MATN3: variants seen among roughly 807,000 people sequenced by gnomAD.
MATN3 encodes matrilin 3.
A neutral mutation model predicts 45.3 loss-of-function variants in MATN3; 48 were observed. The observed-to-expected ratio is 1.06, with a 90% CI of 0.84 to 1.35. MATN3 has a LOEUF of 1.35. MATN3 is among the 40% of genes most tolerant of loss of function. The probability of loss-of-function intolerance (pLI) is 0.00; values close to 1 mark genes in which losing one functional copy is unlikely to be tolerated. For synonymous variants in MATN3, 217 were observed against 245.9 expected (o/e 0.88, Z 1.10); for missense variants, 599 against 628.0 (o/e 0.95, Z 0.49).
Position 20,012,588 on chromosome 2 carries a change from A to C in MATN3, c.44T>G (p.Leu15Arg). ...APARRLPGLL[L>R]LLWPLLLLPS... ...CAGCAGCAGCAGCGGCCAGAGCAGC[A>C]GGAGGAGTCCCGGGAGGCGGCGCGC... Residue 15 changes from leucine (L) to arginine (R), a missense_variant, in exon 1 of 8, where the codon CTG becomes CGG. Leu to Arg is a moderately radical substitution (Grantham distance 102). Transcript: ENST00000407540. This position sits in a 1 kb window ranked among gnomAD's most constrained non-coding sequence, Gnocchi z 4.3. The C allele has an allele frequency of 8.2e-7, 1 of 1,224,844 alleles. No individual in the cohort carries two copies. The highest frequency in any genetic ancestry group is 1.0e-6 in the Non-Finnish European group (1 of 984,272). 75.9% of individuals were successfully genotyped at this position (1,224,844 alleles called of 1,614,324 possible). A position where few individuals can be genotyped will look rare whatever the true frequency, so the allele number is the denominator to read the frequency against.
At chr2:20,004,077 C>G (rs939038306) in intron 2 of MATN3, 2 of 152,176 alleles carry the variant, frequency 1.3e-5, no homozygotes, top group African/African-American at 4.8e-5. Context: ...ACCAAGGAGG[C>G]CTGTTGAAGG....
Position 19,994,376 on chromosome 2 carries a change from T to G in MATN3, c.1328A>C (p.Glu443Ala), listed in dbSNP as rs548276148. 8 of 1,613,390 alleles carry G rather than the reference T, an allele frequency of 5.0e-6. No homozygotes were observed. The East Asian group carries it at 1.8e-4, about 36-fold the overall frequency. ...TGTAGCTTCACATCCACAAGCATCT[T>G]CAGTGGAAACAAGTCTTCGTGCTTC... ...TEEARRLVSTEDACGCEATLA... is the reference protein window; with the variant it reads ...TEEARRLVSTADACGCEATLA... Residue 443 changes from glutamate (E) to alanine (A), a missense_variant, in exon 7 of 8, where the codon GAA becomes GCA. Coordinates refer to ENST00000407540, the MANE Select transcript of MATN3 (RefSeq NM_002381.5).
At chr2:20,008,740 C>T (rs1673161907) in intron 1 of MATN3, among the ~76,000 whole-genome samples, 1 of 152,062 alleles carries the variant, frequency 6.6e-6, no homozygotes, top group Non-Finnish European at 1.5e-5. Flanking sequence ...AGTGGTAGAG[C>T]ATGGATTGGA....
Position 19,997,070 on chromosome 2 carries a change from A to G in MATN3, c.1294+64T>C, listed in dbSNP as rs1672885735. The G allele has an allele frequency of 1.9e-6, 3 of 1,565,830 alleles. No homozygotes were observed. In the Admixed American group the frequency reaches 5.2e-5, roughly 27 times the overall value. On this transcript the variant is annotated intron_variant, in intron 6 of 7. Coordinates refer to ENST00000407540, the MANE Select transcript of MATN3 (RefSeq NM_002381.5). ...TCACAACTGTGTCTTAGACAGAAAG[A>G]AAAAAGCTTGCTCCTGAAAAATTTT...
intron 1 of MATN3, among the ~76,000 whole-genome samples, chr2:20,009,337 G>A (rs940212909): frequency 6.6e-6 from 1 of 150,644 alleles, no homozygotes; most frequent in Admixed American, 6.6e-5. Flanking sequence ...CAGGGACATG[G>A]ATGAAGCTGG....
In MATN3 at chr2:20,012,534, C is replaced by A. The variant is rs1673239463; in HGVS notation, c.98G>T (p.Arg33Leu). 3 of 1,226,514 alleles carry A rather than the reference C, an allele frequency of 2.4e-6. No homozygotes were observed. The highest frequency in any genetic ancestry group is 3.1e-4 in the Middle Eastern group (1 of 3,194). 76.0% of individuals were successfully genotyped at this position (1,226,514 alleles called of 1,614,324 possible). A position where few individuals can be genotyped will look rare whatever the true frequency, so the allele number is the denominator to read the frequency against. ...GGTCTCCAGCCTCCGGAAGCCCGGGCGGGCCACGGGGTCGGGGGCGGCGGA... is the reference window on the plus strand; with the variant it reads ...GGTCTCCAGCCTCCGGAAGCCCGGGAGGGCCACGGGGTCGGGGGCGGCGGA... ...LPSAAPDPVARPGFRRLETRG... is the reference protein window; with the variant it reads ...LPSAAPDPVALPGFRRLETRG... The change falls in exon 1 of 8, where the codon CGC (arginine) becomes CTC (leucine). Residue 33 changes from arginine to leucine, a missense_variant. Coordinates refer to ENST00000407540, the MANE Select transcript of MATN3 (RefSeq NM_002381.5). The surrounding 1 kb of genome is among the most constrained non-coding windows in gnomAD (Gnocchi z 4.3).
At position 20,002,080 on chromosome 2, in the gene MATN3, G is replaced by A. The variant is rs745686503; in HGVS notation, c.917C>T (p.Ala306Val). Reference sequence around the variant, plus strand: ...GGTGTTAAGAGCACACCTATCAAGAGCTATCAAAAGATGATTGGGACAAAT... The same window carrying A: ...GGTGTTAAGAGCACACCTATCAAGAACTATCAAAAGATGATTGGGACAAAT... ...TLNADKKTCS[A>V]LDRCALNTHG... The change falls in exon 4 of 8, where the codon GCT (alanine) becomes GTT (valine). Residue 306 changes from alanine (A) to valine (V), a missense_variant and splice_region_variant. Coordinates refer to ENST00000407540, the MANE Select transcript of MATN3 (RefSeq NM_002381.5). 4.3e-6 allele frequency: 7 copies of A among 1,611,368 alleles called. No homozygotes were observed. Among genetic ancestry groups the A allele is most frequent in the Non-Finnish European group, 5.9e-6 (7 of 1,178,902 alleles).
At position 20,006,270 on chromosome 2, in the gene MATN3, A is replaced by G. The variant is rs1230970175; in HGVS notation, c.264T>C (p.Ile88=). 4.4e-6 allele frequency: 7 copies of G among 1,597,144 alleles called. No individual in the cohort carries two copies. Among genetic ancestry groups the G allele is most frequent in the African/African-American group, 1.3e-5 (1 of 74,718 alleles). The change falls in exon 2 of 8, where the codon ATT becomes ATC. Residue 88 remains isoleucine (I), a synonymous_variant. Coordinates refer to ENST00000407540, the MANE Select transcript of MATN3 (RefSeq NM_002381.5). ...GGGGCCGTACGCTACGAGAACTATC[A>G]ATGATAAACACCAGGTCCAAGGGTC... is the stretch of plus-strand genomic sequence containing the variant. ...KSRPLDLVFI[I]DSSRSVRPLE...
intron 1 of MATN3, among the ~76,000 whole-genome samples, chr2:20,007,771 A>C (rs200692455): frequency 6.6e-6 from 1 of 152,152 alleles, no homozygotes; most frequent in Non-Finnish European, 1.5e-5. Context: ...CAGATTTCCC[A>C]CCTTCAAAGA....
At position 19,998,709 on chromosome 2, in the gene MATN3, T is replaced by A. The variant is rs190547284; in HGVS notation, c.1169-1450A>T. ...GAGGTAGAGGCTGTATGAGCCAAGA[T>A]CACACCACCGCACTCCAGCCTGGGT... On this transcript the variant is annotated intron_variant, in intron 5 of 7. Coordinates refer to ENST00000407540, the MANE Select transcript of MATN3 (RefSeq NM_002381.5). Among the ~76,000 whole-genome samples the A allele has an allele frequency of 3.1e-3, 466 of 151,336 alleles. 2 individuals are homozygous for A. Among genetic ancestry groups the A allele is most frequent in the African/African-American group, 0.011 (443 of 41,194 alleles).
chr2:20,002,763 C>CT (rs772667988), intron 3 of MATN3, among the ~76,000 whole-genome samples: 7,299 of 150,742 alleles, frequency 0.048, 226 homozygotes, highest in East Asian at 0.14. Flanking sequence ...CCACACCTGG[C>CT]TTTTTTTTTT....
At chr2:20,003,364 T>A in intron 2 of MATN3, 78 bp from the exon 3 acceptor site, 2 of 1,413,948 alleles carry the variant, frequency 1.4e-6, no homozygotes, top group Non-Finnish European at 1.9e-6. Flanking sequence ...TCAATAGACA[T>A]TGCTCTCTGG....
intron 5 of MATN3, among the ~76,000 whole-genome samples, chr2:19,998,385 G>A (rs914263261): frequency 2.6e-5 from 4 of 152,044 alleles, no homozygotes; most frequent in Non-Finnish European, 5.9e-5. Context: ...CACTAGCAAC[G>A]GAAAAGCAGA....
chr2:20,007,997 C>CTG (rs1319741525), intron 1 of MATN3, among the ~76,000 whole-genome samples: 1 of 152,212 alleles, frequency 6.6e-6, no homozygotes, highest in Admixed American at 6.5e-5. Flanking sequence ...GAGTCTCATT[C>CTG]TGTCACCCAG....
chr2:20,003,975 T>C (rs911487189), intron 2 of MATN3: 1 of 152,234 alleles, frequency 6.6e-6, no homozygotes, highest in Non-Finnish European at 1.5e-5. Context: ...CTCCATCTTA[T>C]TGCTCCTGGA....
chr2:20,003,323 T>A lies in MATN3; in HGVS notation c.791-37A>T, dbSNP rs1174343123. 4.5e-6 allele frequency: 7 copies of A among 1,554,648 alleles called. No individual in the cohort carries two copies. In the African/African-American group the frequency reaches 6.8e-5, roughly 15 times the overall value. ...AGTTTACAACAGTCAGCACTGACAC[T>A]TAGGAAACATCTCAGATACCGTCTC... is the stretch of plus-strand genomic sequence containing the variant. On this transcript the variant is annotated intron_variant, in intron 2 of 7. Transcript: ENST00000407540.
At position 20,012,623 on chromosome 2, in the gene MATN3, G is replaced by A; in HGVS notation, c.9C>T (p.Arg3=). 2 of 1,216,032 alleles carry A rather than the reference G, an allele frequency of 1.6e-6. No individual in the cohort carries two copies. Among genetic ancestry groups the A allele is most frequent in the Non-Finnish European group, 2.0e-6 (2 of 977,778 alleles). The allele number at this position is 1,216,032 out of a possible 1,614,324, so 75.3% of individuals were successfully genotyped here. The part of the protein sequence containing the change: MP[R]PAPARRLPGL... ...CCGGGAGGCGGCGCGCGGGGGCCGGGCGCGGCATGGTGGGCTCCGTGGGCC... is the reference window on the plus strand; with the variant it reads ...CCGGGAGGCGGCGCGCGGGGGCCGGACGCGGCATGGTGGGCTCCGTGGGCC... Residue 3 remains arginine, a synonymous_variant, in exon 1 of 8, where the codon CGC becomes CGT. Coordinates refer to ENST00000407540, the MANE Select transcript of MATN3 (RefSeq NM_002381.5). This position sits in a 1 kb window ranked among gnomAD's most constrained non-coding sequence, Gnocchi z 4.3.
chr2:20,002,191 C>CAGAG lies in MATN3; in HGVS notation c.917-115_917-112dup, dbSNP rs1553327220. 1.9e-4 allele frequency: 141 copies of CAGAG among 758,234 alleles called. 1 individual carries two copies. The African/African-American group carries it at 2.2e-3, about 12-fold the overall frequency. 47.0% of individuals were successfully genotyped at this position (758,234 alleles called of 1,614,324 possible). Reference sequence around the variant, plus strand: ...ACACACACACACACACACACACACACAGAGCTAATGAAACAAGGGAGGGGC... The same window carrying CAGAG: ...ACACACACACACACACACACACACACAGAGAGAGCTAATGAAACAAGGGAGGGGC... On this transcript the variant is annotated intron_variant, in intron 3 of 7. Coordinates refer to ENST00000407540, the MANE Select transcript of MATN3 (RefSeq NM_002381.5).
chr2:20,003,259 T>A lies in MATN3; in HGVS notation c.818A>T (p.His273Leu), dbSNP rs1673025335. 1 of 1,613,828 alleles carries A rather than the reference T, an allele frequency of 6.2e-7. No homozygotes were observed. Among genetic ancestry groups the A allele is most frequent in the African/African-American group, 1.3e-5 (1 of 74,944 alleles). Residue 273 changes from histidine (H) to leucine (L), a missense_variant, in exon 3 of 8, where the codon CAC becomes CTC. His to Leu is a moderately conservative substitution (Grantham distance 99). Transcript: ENST00000407540. ...CALDPCVLGT[H>L]QCQHVCISDG... ...ACTGATGCAGACGTGCTGGCACTGG[T>A]GTGTTCCAAGCACACAGGGGTCCAG...
Sources: allele counts gnomAD v4.1 joint callset (sites outside exome capture counted in the v4.1 genomes callset), GRCh38; gene constraint gnomAD v4.1.1; non-coding constraint Gnocchi (gnomAD v3.1); transcripts MANE v1.5; gene names NCBI Gene and HGNC (gene_info 2026-07-23, HGNC 2026-07-21).